AGK: variants seen among roughly 807,000 people sequenced by gnomAD.
AGK encodes the protein acylglycerol kinase.
A neutral mutation model predicts 66.4 loss-of-function variants in AGK; 52 were observed. The ratio of observed to expected loss-of-function variants is 0.78; its 90% CI spans 0.63 to 0.99. The LOEUF (loss-of-function observed/expected upper bound fraction) is 0.99, where lower values mean the gene tolerates loss of function less well. Ranked by LOEUF, AGK falls within the 50% of genes least tolerant of loss-of-function variation. The pLI is 0.00. For missense variants in AGK, 451 were observed against 506.6 expected, an observed-to-expected ratio of 0.89 and a Z score of 1.05; for synonymous variants, 182 against 181.1, an observed-to-expected ratio of 1.00 and a Z score of -0.04.
chr7:141,591,185 C>T (rs866983312), intron 2 of AGK, among the ~76,000 whole-genome samples: 22 of 149,940 alleles, frequency 1.5e-4, no homozygotes, highest in South Asian at 2.1e-4. Flanking sequence ...CTCCACCTCC[C>T]GGGTTCAGGC....
Position 141,596,606 on chromosome 7 carries a change from G to T in AGK, c.186G>T (p.Lys62Asn), listed in dbSNP as rs199778260. 99 of 1,614,034 alleles carry T rather than the reference G, an allele frequency of 6.1e-5. 1 individual carries two copies. In the South Asian group the frequency reaches 9.7e-4, roughly 16 times the overall value. The change falls in exon 4 of 16, where the codon AAG becomes AAT. Residue 62 changes from lysine (K) to asparagine (N), a missense_variant. Transcript: ENST00000649286. ...TTCCTCCCAATGCACAAGTGAAGAA[G>T]GCCACTGTTTTTCTCAATCCTGCAG... ...QLIPPNAQVK[K>N]ATVFLNPAAC...
chr7:141,611,244 C>T lies in AGK; in HGVS notation c.347C>T (p.Thr116Met), dbSNP rs756048978. ...AAACTCCTGGAACTGATGGAAAACA[C>T]GGATGTGATCATTGTTGCAGGAGGA... is the stretch of plus-strand genomic sequence containing the variant. The part of the protein sequence containing the change: ...AKKLLELMEN[T>M]DVIIVAGGDG... Residue 116 changes from threonine to methionine, a missense_variant, in exon 6 of 16, where the codon ACG (threonine) becomes ATG (methionine). Transcript: ENST00000649286. The T allele has an allele frequency of 6.2e-6, 10 of 1,613,226 alleles. No individual in the cohort carries two copies. Among genetic ancestry groups the T allele is most frequent in the Admixed American group, 5.0e-5 (3 of 59,974 alleles).
intron 9 of AGK, among the ~76,000 whole-genome samples, chr7:141,625,375 G>T (rs1041862169): frequency 6.6e-6 from 1 of 151,800 alleles, no homozygotes; most frequent in African/African-American, 2.4e-5. Flanking sequence ...TTTTGGACAG[G>T]ATCTCACTCT....
chr7:141,634,015 T>TA (rs767326377), intron 10 of AGK, 35 bp downstream of exon 10: 5 of 1,550,822 alleles, frequency 3.2e-6, no homozygotes, highest in South Asian at 2.2e-5. Context: ...TGATGTTTTT[T>TA]AAAAAAATCT....
intron 13 of AGK, among the ~76,000 whole-genome samples, chr7:141,647,863 G>T (rs1587172689): frequency 6.6e-6 from 1 of 152,132 alleles, no homozygotes; most frequent in African/African-American, 2.4e-5. Flanking sequence ...TAGAGACGGG[G>T]TTTCACCACG....
rs137871050 is a variant in AGK, at chr7:141,564,594, G to T, written c.101+9027G>T. 2.2e-3 allele frequency among the ~76,000 whole-genome samples: 330 copies of T among 152,180 alleles called. 3 individuals are homozygous for T. Among genetic ancestry groups the T allele is most frequent in the African/African-American group, 7.3e-3 (301 of 41,516 alleles). Reference sequence around the variant, plus strand: ...TGTAGTTCAGGATGAGATTTGGTGGGGACACAGCCAAACCATATAAACCAC... The same window carrying T: ...TGTAGTTCAGGATGAGATTTGGTGGTGACACAGCCAAACCATATAAACCAC... On this transcript the variant is annotated intron_variant, in intron 2 of 15. Transcript: ENST00000649286.
intron 13 of AGK, among the ~76,000 whole-genome samples, chr7:141,645,263 T>G (rs1368751019): frequency 4.6e-5 from 7 of 152,124 alleles, no homozygotes; most frequent in African/African-American, 1.7e-4. Context: ...ATATCCTGTC[T>G]TTTGCTGGAT....
At chr7:141,630,061 G>T (rs1023141844) in intron 9 of AGK, among the ~76,000 whole-genome samples, 4 of 152,090 alleles carry the variant, frequency 2.6e-5, no homozygotes, top group African/African-American at 9.7e-5. Context: ...AAGTAAGTTT[G>T]GTATTTTCCA....
At chr7:141,557,104 T>TA (rs2116847785) in intron 2 of AGK, among the ~76,000 whole-genome samples, 1 of 152,340 alleles carries the variant, frequency 6.6e-6, no homozygotes, top group Non-Finnish European at 1.5e-5. Context: ...ACAGAACAGT[T>TA]ACTCTTTGAA....
At position 141,654,495 on chromosome 7, in the gene AGK, C is replaced by A. The variant is rs544208806; in HGVS notation, c.*1571C>A. The A allele has an allele frequency of 1.3e-5, 2 of 152,378 alleles. No individual in the cohort carries two copies. Among genetic ancestry groups the A allele is most frequent in the Non-Finnish European group, 2.9e-5 (2 of 68,042 alleles). The allele number at this position is 152,378 out of a possible 1,614,324, so 9.4% of individuals were successfully genotyped here. A position where few individuals can be genotyped will look rare whatever the true frequency, so the allele number is the denominator to read the frequency against. On this transcript the variant is annotated 3_prime_UTR_variant, in exon 16 of 16. Coordinates refer to ENST00000649286, the MANE Select transcript of AGK (RefSeq NM_018238.4). ...AGAATTATTAATGATGATCTATCAA[C>A]TAACAAACAACTTGATTAGATTCTC...
chr7:141,637,071 T>A, intron 11 of AGK, 54 bp downstream of exon 11: 1 of 1,442,798 alleles, frequency 6.9e-7, no homozygotes, highest in South Asian at 1.2e-5. Flanking sequence ...TGTTTCTCTG[T>A]AATGCATATA....
At chr7:141,643,837 G>A (rs1412142296) in intron 13 of AGK, among the ~76,000 whole-genome samples, 2 of 152,066 alleles carry the variant, frequency 1.3e-5, no homozygotes, top group Non-Finnish European at 2.9e-5. Context: ...GAATTGTCAT[G>A]ACTAAAAAGC....
chr7:141,621,919 A>C, intron 9 of AGK, 118 bp downstream of exon 9: 1 of 684,100 alleles, frequency 1.5e-6, no homozygotes, highest in Admixed American at 2.8e-5. Flanking sequence ...TTGCTCTTCC[A>C]TTCCTACCCC....
intron 2 of AGK, among the ~76,000 whole-genome samples, chr7:141,575,654 CTTTTTT>C (rs58292692): frequency 0.014 from 830 of 58,176 alleles, 11 homozygotes; most frequent in African/African-American, 0.051. Context: ...TTACAAAGGC[CTTTTTT>C]TTTTTTTTTT....
In AGK at chr7:141,652,961, G is replaced by A; in HGVS notation, c.*37G>A. 1 of 1,611,158 alleles carries A rather than the reference G, an allele frequency of 6.2e-7. No homozygotes were observed. The highest frequency in any genetic ancestry group is 8.5e-7 in the Non-Finnish European group (1 of 1,178,916). Reference sequence around the variant, plus strand: ...CAAGCACTCTGAGACCACACTTTAGGCCACCGGTGGGACCAAAAGGGAACA... The same window carrying A: ...CAAGCACTCTGAGACCACACTTTAGACCACCGGTGGGACCAAAAGGGAACA... On this transcript the variant is annotated 3_prime_UTR_variant, in exon 16 of 16. Coordinates refer to ENST00000649286, the MANE Select transcript of AGK (RefSeq NM_018238.4).
At chr7:141,616,898 C>T (rs993797183) in intron 8 of AGK, among the ~76,000 whole-genome samples, 6 of 151,930 alleles carry the variant, frequency 3.9e-5, no homozygotes, top group Non-Finnish European at 8.8e-5. Flanking sequence ...GCTGGGACTA[C>T]AGGCGCCCGC....
chr7:141,642,947 A>G (rs1230223909), intron 13 of AGK, among the ~76,000 whole-genome samples: 1 of 152,214 alleles, frequency 6.6e-6, no homozygotes, highest in African/African-American at 2.4e-5. Flanking sequence ...ATTTATATCA[A>G]TGAGAATGCC....
At chr7:141,580,868 G>T (rs1485883899) in intron 2 of AGK, among the ~76,000 whole-genome samples, 1 of 152,036 alleles carries the variant, frequency 6.6e-6, no homozygotes, top group African/African-American at 2.4e-5. Flanking sequence ...GAGAGCTAGT[G>T]TGGGAGCAGC....
chr7:141,607,262 AT>A (rs1796484371), intron 5 of AGK, among the ~76,000 whole-genome samples: 1 of 152,146 alleles, frequency 6.6e-6, no homozygotes, highest in Non-Finnish European at 1.5e-5. Context: ...ATTTTGTATT[AT>A]TACCACCAGT....
Sources: gnomAD v4.1 joint callset for allele counts (sites outside exome capture counted in the v4.1 genomes callset) on GRCh38, gnomAD v4.1.1 for gene constraint, MANE v1.5 for transcripts, NCBI Gene and HGNC (gene_info 2026-07-23, HGNC 2026-07-21) for gene names.